Variants in PREX1 observed in about 807,000 individuals in gnomAD.
PREX1 encodes phosphatidylinositol-3,4,5-trisphosphate dependent Rac exchange factor 1.
PREX1 carries 41 observed loss-of-function variants against 198.3 expected under a neutral mutation model. The observed-to-expected ratio is 0.21, with a 90% confidence interval of 0.16 to 0.27. The LOEUF (loss-of-function observed/expected upper bound fraction) is 0.27, where lower values mean the gene tolerates loss of function less well. Among genes scored for constraint, PREX1 ranks in the 10% least tolerant of loss-of-function variants. PREX1 has a pLI of 1.00. For synonymous variants in PREX1, 843 were observed against 887.2 expected, an observed-to-expected ratio of 0.95 and a Z score of 0.89; for missense variants, 1,620 against 2,200.7, an observed-to-expected ratio of 0.74 and a Z score of 5.28.
At chr20:48,839,797 C>G in the PREX1 span, among the ~76,000 whole-genome samples, 1 of 152,166 alleles carries the variant, frequency 6.6e-6, no homozygotes, top group Non-Finnish European at 1.5e-5. Flanking sequence ...GCTCCTTTCC[C>G]TTATAGCTGA....
intron 14 of PREX1, among the ~76,000 whole-genome samples, chr20:48,668,362 G>C (rs1474190872): frequency 6.6e-6 from 1 of 152,218 alleles, no homozygotes; most frequent in Non-Finnish European, 1.5e-5. Context: ...TGCTGGGAAC[G>C]GGGCTGACCT....
At chr20:48,640,566 C>T (rs1216995541) in intron 29 of PREX1, among the ~76,000 whole-genome samples, 1 of 152,122 alleles carries the variant, frequency 6.6e-6, no homozygotes, top group Non-Finnish European at 1.5e-5. Flanking sequence ...GCCCCAAGTC[C>T]TCACCACTTC....
intron 1 of PREX1, among the ~76,000 whole-genome samples, chr20:48,767,148 G>A (rs1004157978): frequency 1.3e-5 from 2 of 152,196 alleles, no homozygotes. Flanking sequence ...CAGATGAGAG[G>A]ATCTCAAAGG....
At chr20:48,847,388 A>AAAAAAAAAAAAAAAC in the PREX1 span, among the ~76,000 whole-genome samples, 1 of 147,496 alleles carries the variant, frequency 6.8e-6, no homozygotes, top group Non-Finnish European at 1.5e-5. Context: ...AAAAAAACAA[A>AAAAAAAAAAAAAAAC]CCCTCCCCAA....
chr20:48,786,207 T>TG (rs1315037755), intron 1 of PREX1, among the ~76,000 whole-genome samples: 3 of 147,058 alleles, frequency 2.0e-5, no homozygotes, highest in Non-Finnish European at 4.5e-5. Context: ...GGTGGCATGC[T>TG]GGGGGCGGGG....
chr20:48,758,080 G>T (rs1471329621), intron 1 of PREX1, among the ~76,000 whole-genome samples: 1 of 152,128 alleles, frequency 6.6e-6, no homozygotes, highest in Non-Finnish European at 1.5e-5. Flanking sequence ...TCTTTGGGAG[G>T]TGGGAGGTGG....
rs554481094 is a variant in PREX1 at position 48,638,280 on chromosome 20, A to G, written c.3905-528T>C. On this transcript the variant is annotated intron_variant, in intron 30 of 39. Transcript: ENST00000371941. ...TGCACTCATCTGCAGACTCACATAC[A>G]TATGTACACACACAGGTACACACAC... Among the ~76,000 whole-genome samples, 108 of 152,240 alleles carry G rather than the reference A, an allele frequency of 7.1e-4. No individual in the cohort carries two copies. The Middle Eastern group carries it at 0.01, about 14-fold the overall frequency.
chr20:48,728,834 AC>A (rs1264684381), intron 4 of PREX1, among the ~76,000 whole-genome samples: 18 of 152,332 alleles, frequency 1.2e-4, no homozygotes, highest in Admixed American at 1.2e-3. Flanking sequence ...TTAAAAAAAA[AC>A]AAAAACAAAA....
At chr20:48,807,402 T>C (rs1441983198) in intron 1 of PREX1, among the ~76,000 whole-genome samples, 8 of 152,156 alleles carry the variant, frequency 5.3e-5, no homozygotes, top group Non-Finnish European at 1.0e-4. Flanking sequence ...CTCATGTCCA[T>C]AGAGACCAAC....
In PREX1 at chr20:48,708,854, C is replaced by T. The variant is rs993662109; in HGVS notation, c.622-433G>A. On this transcript the variant is annotated intron_variant, in intron 5 of 39. Transcript: ENST00000371941. ...GGCAGTGTGTCTGGGGTGGAATAAA[C>T]GAGAGAGAGAAAAACAGAGAGATCC... Among the ~76,000 whole-genome samples, 8 of 152,042 alleles carry T rather than the reference C, an allele frequency of 5.3e-5. No individual in the cohort carries two copies. In the East Asian group the frequency reaches 5.8e-4, roughly 11 times the overall value.
At chr20:48,783,118 T>C (rs2090297070) in intron 1 of PREX1, among the ~76,000 whole-genome samples, 1 of 152,026 alleles carries the variant, frequency 6.6e-6, no homozygotes, top group African/African-American at 2.4e-5. Flanking sequence ...TCCTCATTTG[T>C]GAAATGAAAA....
chr20:48,835,233 T>C, the PREX1 span, among the ~76,000 whole-genome samples: 34 of 152,348 alleles, frequency 2.2e-4, no homozygotes, highest in Non-Finnish European at 4.6e-4. Context: ...TAAATAATCA[T>C]TGAATGAATC....
chr20:48,782,831 A>G (rs1310496254), intron 1 of PREX1, among the ~76,000 whole-genome samples: 1 of 152,188 alleles, frequency 6.6e-6, no homozygotes, highest in Admixed American at 6.5e-5. Flanking sequence ...TGTGATGAGG[A>G]GTCCCAGGAG....
intron 1 of PREX1, among the ~76,000 whole-genome samples, chr20:48,806,788 A>G (rs144658706): frequency 3.1e-4 from 47 of 152,356 alleles, no homozygotes; most frequent in Non-Finnish European, 5.3e-4. Context: ...CACTGGGCTC[A>G]GCATCAGGGA....
Position 48,786,898 on chromosome 20 carries a change from G to A in PREX1, c.220-39018C>T, listed in dbSNP as rs2090315364. On this transcript the variant is annotated intron_variant, in intron 1 of 39. Transcript: ENST00000371941. ...GGTAGGGAGGAGAGGAAAGGGAGAG[G>A]TGGAGGGGAGGGAAAGAGGAGGAGG... Among the ~76,000 whole-genome samples, 4 of 151,998 alleles carry A rather than the reference G, an allele frequency of 2.6e-5. No individual in the cohort carries two copies. In the South Asian group the frequency reaches 8.3e-4, roughly 32 times the overall value.
chr20:48,625,806 GAGA>G lies in PREX1; in HGVS notation c.*76_*78del, dbSNP rs747237592. 1.1e-5 allele frequency: 16 copies of G among 1,432,014 alleles called. No homozygotes were observed. Among genetic ancestry groups the G allele is most frequent in the Admixed American group, 2.6e-5 (1 of 38,342 alleles). 88.7% of individuals were successfully genotyped at this position (1,432,014 alleles called of 1,614,324 possible). On this transcript the variant is annotated 3_prime_UTR_variant, in exon 40 of 40. Transcript: ENST00000371941. ...CTGCGGAAGCCTTGGGCCATCCCTG[GAGA>G]AGGCCAGCGCTGCCTGCTGTGTCCT...
At chr20:48,698,689 C>T (rs1410401990) in intron 7 of PREX1, among the ~76,000 whole-genome samples, 1 of 152,142 alleles carries the variant, frequency 6.6e-6, no homozygotes, top group East Asian at 1.9e-4. Flanking sequence ...AAGGGTCAAG[C>T]CCAGAACAGG....
In PREX1 at chr20:48,714,890, G is replaced by A. The variant is rs185719024; in HGVS notation, c.622-6469C>T. ...AGGGAGTGCACAGATATGGAAACTC[G>A]AAGGTGTCCCAGCTGGTCTCAGACA... On this transcript the variant is annotated intron_variant, in intron 5 of 39. Coordinates refer to ENST00000371941, the MANE Select transcript of PREX1 (RefSeq NM_020820.4). 5.9e-5 allele frequency among the ~76,000 whole-genome samples: 9 copies of A among 152,274 alleles called. No individual in the cohort carries two copies. In the East Asian group the frequency reaches 1.7e-3, roughly 29 times the overall value.
At chr20:48,769,116 C>G (rs1239683899) in intron 1 of PREX1, among the ~76,000 whole-genome samples, 1 of 152,204 alleles carries the variant, frequency 6.6e-6, no homozygotes, top group South Asian at 2.1e-4. Context: ...ACTGTGCATC[C>G]ACGAAGCCCT....
Sources: gnomAD v4.1 joint callset for allele counts (sites outside exome capture counted in the v4.1 genomes callset) on GRCh38, gnomAD v4.1.1 for gene constraint, MANE v1.5 for transcripts, NCBI Gene and HGNC (gene_info 2026-07-23, HGNC 2026-07-21) for gene names.